Variants in UGT1A8 observed in about 807,000 individuals in gnomAD.
UGT1A8 encodes UDP glucuronosyltransferase family 1 member A8.
In UGT1A8, 39 loss-of-function variants were observed where a neutral mutation model predicts 45.3. The ratio of observed to expected loss-of-function variants is 0.86; its 90% CI spans 0.67 to 1.12. The LOEUF (loss-of-function observed/expected upper bound fraction) is 1.12, where lower values mean the gene tolerates loss of function less well. Among genes scored for constraint, UGT1A8 ranks in the 50% most tolerant of loss-of-function variants. The pLI, the probability that UGT1A8 is intolerant of heterozygous loss-of-function variation, is 0.00. For synonymous variants in UGT1A8, 275 were observed against 249.2 expected (o/e 1.10, Z -0.97); for missense variants, 719 against 664.9 (o/e 1.08, Z -0.90).
chr2:233,630,788 A>G (rs1272495592), intron 1 of UGT1A8, among the ~76,000 whole-genome samples: 3 of 151,892 alleles, frequency 2.0e-5, no homozygotes, highest in Non-Finnish European at 4.4e-5. Flanking sequence ...TACATAGGTA[A>G]ACATATGCCA....
At position 233,713,658 on chromosome 2, in the gene UGT1A8, C is replaced by A. The variant is rs376312935; in HGVS notation, c.856-53376C>A. 1.7e-5 allele frequency: 27 copies of A among 1,613,822 alleles called. No individual in the cohort carries two copies. Among genetic ancestry groups the A allele is most frequent in the African/African-American group, 2.7e-5 (2 of 74,924 alleles). ...GCTCTACCCTCTGGCCCTGTCCTAC[C>A]TTTGCCATGCTGTTTCTGCTCCTTA... On this transcript the variant is annotated intron_variant, in intron 1 of 4. Coordinates refer to ENST00000373450, the MANE Select transcript of UGT1A8 (RefSeq NM_019076.5).
intron 1 of UGT1A8, among the ~76,000 whole-genome samples, chr2:233,710,127 C>A (rs1404227374): frequency 6.6e-6 from 1 of 152,186 alleles, no homozygotes; most frequent in Non-Finnish European, 1.5e-5. Flanking sequence ...TTCCGAGTAG[C>A]ATTTCATTGT....
chr2:233,730,948 C>T (rs2078091104), intron 1 of UGT1A8, among the ~76,000 whole-genome samples: 2 of 152,126 alleles, frequency 1.3e-5, no homozygotes, highest in African/African-American at 4.8e-5. Flanking sequence ...ATTTGGGTTT[C>T]GTTGAAATGG....
At chr2:233,636,534 A>G (rs374664471) in intron 1 of UGT1A8, 150 of 1,613,180 alleles carry the variant, frequency 9.3e-5, no homozygotes, top group Non-Finnish European at 1.2e-4. Context: ...TGGCTCGCGC[A>G]GGGTGGACCA....
intron 1 of UGT1A8, among the ~76,000 whole-genome samples, chr2:233,680,428 A>G (rs2074486434): frequency 6.6e-6 from 1 of 152,198 alleles, no homozygotes. Flanking sequence ...GTAGTGTAGT[A>G]TGTACTAGAG....
At chr2:233,763,692 T>G (rs28900398) in intron 1 of UGT1A8, among the ~76,000 whole-genome samples, 3,195 of 152,308 alleles carry the variant, frequency 0.021, 100 homozygotes, top group African/African-American at 0.073. Context: ...GATAAAACTT[T>G]TATTGCACAA....
At chr2:233,618,947 T>C (rs981181791) in intron 1 of UGT1A8, among the ~76,000 whole-genome samples, 3 of 152,148 alleles carry the variant, frequency 2.0e-5, no homozygotes, top group East Asian at 3.8e-4. Context: ...TAGGTGTATA[T>C]ATTTAATTTA....
chr2:233,706,059 C>T lies in UGT1A8; in HGVS notation c.856-60975C>T, dbSNP rs28898587. 2.0e-3 allele frequency among the ~76,000 whole-genome samples: 305 copies of T among 152,274 alleles called. 7 individuals carry two copies. In the East Asian group the frequency reaches 0.057, roughly 29 times the overall value. ...GCAGTGAGCCGAGATCACGCCACTGCATGCCAGCCTGGGTGACAGAGCTAG... is the reference window on the plus strand; with the variant it reads ...GCAGTGAGCCGAGATCACGCCACTGTATGCCAGCCTGGGTGACAGAGCTAG... On this transcript the variant is annotated intron_variant, in intron 1 of 4. Transcript: ENST00000373450.
In UGT1A8 at chr2:233,772,754, T is replaced by G; in HGVS notation, c.*195T>G. ...GCTAGTCAGTAAAGATATTTGAATA[T>G]GTATCGTGCCCCCTCTGGTGTCTTT... On this transcript the variant is annotated 3_prime_UTR_variant, in exon 5 of 5. Transcript: ENST00000373450. 1 of 1,409,478 alleles carries G rather than the reference T, an allele frequency of 7.1e-7. No homozygotes were observed. Among genetic ancestry groups the G allele is most frequent in the South Asian group, 1.5e-5 (1 of 66,636 alleles). 87.3% of individuals were successfully genotyped at this position (1,409,478 alleles called of 1,614,324 possible). A position where few individuals can be genotyped will look rare whatever the true frequency, so the allele number is the denominator to read the frequency against.
chr2:233,688,804 A>G (rs1322775404), intron 1 of UGT1A8, among the ~76,000 whole-genome samples: 1 of 152,176 alleles, frequency 6.6e-6, no homozygotes, highest in Non-Finnish European at 1.5e-5. Context: ...TTGATTAGCT[A>G]CAAACTGTGA....
chr2:233,733,145 T>C (rs2078361109), intron 1 of UGT1A8, among the ~76,000 whole-genome samples: 1 of 152,246 alleles, frequency 6.6e-6, no homozygotes, highest in Non-Finnish European at 1.5e-5. Flanking sequence ...TTGTGATTTT[T>C]GCACATTGAT....
chr2:233,676,022 C>G (rs1344116226), intron 1 of UGT1A8, among the ~76,000 whole-genome samples: 1 of 152,138 alleles, frequency 6.6e-6, no homozygotes, highest in Non-Finnish European at 1.5e-5. Context: ...GAAATAAACC[C>G]ATACATATAC....
At chr2:233,723,984 CCGCCTTTCT>C (rs1314945551) in intron 1 of UGT1A8, among the ~76,000 whole-genome samples, 116 of 66,216 alleles carry the variant, frequency 1.8e-3, no homozygotes, top group South Asian at 2.6e-3. Context: ...CCCACCTTTC[CCGCCTTTCT>C]ATTCCACAAA....
chr2:233,761,781 G>A (rs527861889), intron 1 of UGT1A8, among the ~76,000 whole-genome samples: 8 of 152,266 alleles, frequency 5.3e-5, no homozygotes, highest in South Asian at 2.1e-4. Flanking sequence ...CATCCTCATC[G>A]AAATCTCAGC....
Position 233,733,786 on chromosome 2 carries a change from C to A in UGT1A8, c.856-33248C>A, listed in dbSNP as rs149311802. Among the ~76,000 whole-genome samples the A allele has an allele frequency of 6.6e-4, 100 of 152,236 alleles. 1 individual carries two copies. The highest frequency in any genetic ancestry group is 1.9e-3 in the African/African-American group (79 of 41,542). On this transcript the variant is annotated intron_variant, in intron 1 of 4. Transcript: ENST00000373450. ...ATTTTCTTTTTTTGTTGTGTCCCTG[C>A]CAACCTTTGGTATCAGGATGATGCT...
intron 1 of UGT1A8, among the ~76,000 whole-genome samples, chr2:233,702,893 A>T (rs554426682): frequency 2.0e-5 from 3 of 152,324 alleles, no homozygotes; most frequent in Admixed American, 2.0e-4. Flanking sequence ...CATCATATCC[A>T]TAAGAGATAT....
chr2:233,755,346 G>A (rs1313684064), intron 1 of UGT1A8: 3 of 411,522 alleles, frequency 7.3e-6, no homozygotes, highest in African/African-American at 6.3e-5. Context: ...CAGGTCAGAG[G>A]CTTGGCGACC....
At chr2:233,715,670 G>T (rs1428393419) in intron 1 of UGT1A8, among the ~76,000 whole-genome samples, 3 of 152,106 alleles carry the variant, frequency 2.0e-5, no homozygotes, top group Non-Finnish European at 4.4e-5. Context: ...TACTCGGGAG[G>T]CTGAGGCAGG....
At chr2:233,728,633 A>G (rs1305532869) in intron 1 of UGT1A8, among the ~76,000 whole-genome samples, 1 of 152,194 alleles carries the variant, frequency 6.6e-6, no homozygotes, top group Non-Finnish European at 1.5e-5. Flanking sequence ...CTGGCTTAGC[A>G]ATGTTGTATG....
Sources: allele counts gnomAD v4.1 joint callset (sites outside exome capture counted in the v4.1 genomes callset), GRCh38; gene constraint gnomAD v4.1.1; transcripts MANE v1.5; gene names NCBI Gene and HGNC (gene_info 2026-07-23, HGNC 2026-07-21).